Variants in DOCK2 observed in about 807,000 individuals in gnomAD.
DOCK2 encodes the protein dedicator of cytokinesis protein 2.
Under a neutral mutation model 248.9 loss-of-function variants are expected in DOCK2, and 87 were observed. The observed-to-expected ratio is 0.35, with a 90% CI of 0.29 to 0.42. The LOEUF (loss-of-function observed/expected upper bound fraction) is 0.42, where lower values mean the gene tolerates loss of function less well. Among genes scored for constraint, DOCK2 ranks in the 10% least tolerant of loss-of-function variants. DOCK2 has a pLI of 1.00. For synonymous variants in DOCK2, 805 were observed against 821.6 expected (o/e 0.98, Z 0.35); for missense variants, 1,747 against 2,300.2 (o/e 0.76, Z 4.92).
In DOCK2 at chr5:170,050,354, C is replaced by T. The variant is rs749990450; in HGVS notation, c.4170C>T (p.Thr1390=). ...TQFPNAEKMN[T]TSAPGDDVKN... is the part of the protein sequence containing the mutation. ...TCCCCAATGCAGAGAAGATGAACAC[C>T]ACCTCTGCCCCGGGAGATGATGTGA... The change falls in exon 41 of 52, where the codon ACC becomes ACT. Residue 1390 remains threonine (T), a synonymous_variant. Coordinates refer to ENST00000520908, the MANE Select transcript of DOCK2 (RefSeq NM_004946.3). 5.6e-6 allele frequency: 9 copies of T among 1,614,042 alleles called. No individual in the cohort carries two copies. The African/African-American group carries it at 9.3e-5, about 17-fold the overall frequency.
chr5:170,013,507 C>A (rs1331385228), intron 32 of DOCK2, among the ~76,000 whole-genome samples: 1 of 151,856 alleles, frequency 6.6e-6, no homozygotes. Context: ...AGTCAGAGAG[C>A]AATTTAAAGA....
At chr5:169,979,525 A>T (rs1381335332) in intron 27 of DOCK2, among the ~76,000 whole-genome samples, 2 of 152,202 alleles carry the variant, frequency 1.3e-5, no homozygotes, top group Non-Finnish European at 2.9e-5. Context: ...CTGAATATGA[A>T]GCTGCTGCTT....
At chr5:169,961,974 G>C (rs1777103507) in intron 27 of DOCK2, among the ~76,000 whole-genome samples, 1 of 12,876 alleles carries the variant, frequency 7.8e-5, no homozygotes, top group African/African-American at 3.0e-3. Flanking sequence ...GTGAGACTCT[G>C]TCCCAAAAAA....
intron 28 of DOCK2, among the ~76,000 whole-genome samples, chr5:169,983,435 T>C (rs1777990159): frequency 6.6e-6 from 1 of 152,112 alleles, no homozygotes; most frequent in Non-Finnish European, 1.5e-5. Context: ...ATTTGTAAAG[T>C]GGGGATAATG....
At chr5:169,840,926 G>A in intron 27 of DOCK2, 74 bp downstream of exon 27, 1 of 1,479,620 alleles carries the variant, frequency 6.8e-7, no homozygotes, top group South Asian at 1.2e-5. Context: ...TGAAAAGGCA[G>A]ATCACATTGA....
At chr5:170,064,824 T>C (rs77938322) in intron 44 of DOCK2, among the ~76,000 whole-genome samples, 1,529 of 152,144 alleles carry the variant, frequency 0.01, 16 homozygotes, top group African/African-American at 0.034. Flanking sequence ...AAACAAAAGC[T>C]GAGTTAAGCA....
At chr5:169,696,024 G>T in intron 10 of DOCK2, 86 bp downstream of exon 10, 2 of 1,457,616 alleles carry the variant, frequency 1.4e-6, no homozygotes, top group East Asian at 2.6e-5. Context: ...TTTCCCAACC[G>T]CCTCCTGCTG....
chr5:169,931,217 C>A (rs1775733308), intron 27 of DOCK2, among the ~76,000 whole-genome samples: 1 of 152,208 alleles, frequency 6.6e-6, no homozygotes. Context: ...AACCATCTTA[C>A]AAATACATGT....
intron 41 of DOCK2, among the ~76,000 whole-genome samples, chr5:170,054,849 GGATCTGTTCT>G (rs1263617199): frequency 6.6e-6 from 1 of 152,064 alleles, no homozygotes; most frequent in Admixed American, 6.5e-5. Flanking sequence ...ATACAAACTC[GGATCTGTTCT>G]TACAAGTTGT....
chr5:169,954,517 CT>C (rs1418807305), intron 27 of DOCK2, among the ~76,000 whole-genome samples: 1 of 152,220 alleles, frequency 6.6e-6, no homozygotes, highest in Non-Finnish European at 1.5e-5. Context: ...GGCCACCCCC[CT>C]GAAGCTGTGG....
intron 23 of DOCK2, among the ~76,000 whole-genome samples, chr5:169,754,920 ATTATTTAT>A (rs144364050): frequency 2.8e-5 from 4 of 141,348 alleles, no homozygotes; most frequent in South Asian, 2.3e-4. Context: ...CCTATTTTTT[ATTATTTAT>A]TTATTTATTT....
intron 26 of DOCK2, among the ~76,000 whole-genome samples, chr5:169,838,855 G>C (rs1334707653): frequency 6.6e-6 from 1 of 152,200 alleles, no homozygotes; most frequent in Non-Finnish European, 1.5e-5. Context: ...AAAGCTCTGG[G>C]TTATTCATCT....
chr5:169,747,317 A>G, intron 22 of DOCK2, 79 bp from the exon 23 acceptor site: 1 of 1,314,906 alleles, frequency 7.6e-7, no homozygotes, highest in Non-Finnish European at 1.1e-6. Context: ...TAAATTTTAA[A>G]TGAAGTTTGT....
intron 50 of DOCK2, 66 bp from the exon 51 acceptor site, chr5:170,081,772 GTCTA>G: frequency 1.6e-6 from 2 of 1,257,232 alleles, no homozygotes; most frequent in Non-Finnish European, 2.0e-6. Flanking sequence ...CCCTCCCCCT[GTCTA>G]CCTCCCCCAA....
intron 47 of DOCK2, among the ~76,000 whole-genome samples, chr5:170,076,971 T>G (rs1757860252): frequency 6.6e-6 from 1 of 152,160 alleles, no homozygotes; most frequent in South Asian, 2.1e-4. Flanking sequence ...CCACCCACAC[T>G]TCTGCCTAAC....
chr5:169,652,771 G>A (rs1220574859), intron 1 of DOCK2, among the ~76,000 whole-genome samples: 3 of 152,164 alleles, frequency 2.0e-5, no homozygotes, highest in African/African-American at 7.2e-5. Context: ...AAGGAGATAA[G>A]TGGGAAGAGG....
At chr5:169,720,090 G>A (rs547863267) in intron 22 of DOCK2, among the ~76,000 whole-genome samples, 24 of 152,294 alleles carry the variant, frequency 1.6e-4, no homozygotes, top group Admixed American at 5.9e-4. Flanking sequence ...TGAACCATGC[G>A]ACAGAACAAA....
At chr5:169,651,996 G>A (rs1757833751) in intron 1 of DOCK2, among the ~76,000 whole-genome samples, 1 of 152,204 alleles carries the variant, frequency 6.6e-6, no homozygotes, top group Admixed American at 6.5e-5. Context: ...CATTTACTGA[G>A]CACTTACTAT....
chr5:169,801,686 C>T (rs534443541), intron 25 of DOCK2, among the ~76,000 whole-genome samples: 1 of 152,250 alleles, frequency 6.6e-6, no homozygotes, highest in South Asian at 2.1e-4. Flanking sequence ...ATGACTCCCC[C>T]ACGTACAGTC....
Sources: gnomAD v4.1 joint callset for allele counts (sites outside exome capture counted in the v4.1 genomes callset) on GRCh38, gnomAD v4.1.1 for gene constraint, MANE v1.5 for transcripts, NCBI Gene and HGNC (gene_info 2026-07-23, HGNC 2026-07-21) for gene names.